Variants in LRRC4C observed in about 807,000 individuals in gnomAD.
The protein encoded by LRRC4C is leucine-rich repeat-containing protein 4C.
Under a neutral mutation model 33.6 loss-of-function variants are expected in LRRC4C, and 5 were observed. The ratio of observed to expected loss-of-function variants is 0.15; its 90% CI spans 0.08 to 0.31. LRRC4C has a LOEUF of 0.31. LRRC4C is among the 10% of genes least tolerant of loss of function. LRRC4C has a pLI of 1.00. For missense variants in LRRC4C, 560 were observed against 796.7 expected (o/e 0.70, Z 3.58); for synonymous variants, 329 against 302.0 (o/e 1.09, Z -0.93).
At chr11:41,120,175 G>A (rs1020344179) in intron 1 of LRRC4C, among the ~76,000 whole-genome samples, 5 of 152,026 alleles carry the variant, frequency 3.3e-5, no homozygotes, top group African/African-American at 1.2e-4. Context: ...AATTCCTCAA[G>A]CAAAGGAGTC....
intron 1 of LRRC4C, among the ~76,000 whole-genome samples, chr11:41,001,995 T>G (rs938822183): frequency 2.0e-5 from 3 of 152,182 alleles, no homozygotes; most frequent in Non-Finnish European, 4.4e-5. Flanking sequence ...TAGATTTATT[T>G]AGGGAGTTTT....
chr11:40,703,516 G>A (rs1373223601), intron 2 of LRRC4C, among the ~76,000 whole-genome samples: 21 of 152,070 alleles, frequency 1.4e-4, no homozygotes. Flanking sequence ...GAGGTTGATG[G>A]CAGCACTGAA....
chr11:41,427,538 T>C (rs542805330), intron 1 of LRRC4C, among the ~76,000 whole-genome samples: 4 of 152,148 alleles, frequency 2.6e-5, no homozygotes, highest in Admixed American at 6.6e-5. Context: ...GAAGAAGAGA[T>C]ATTTAAGCCA....
chr11:41,296,996 G>T (rs189081775), intron 1 of LRRC4C, among the ~76,000 whole-genome samples: 20 of 152,072 alleles, frequency 1.3e-4, no homozygotes, highest in African/African-American at 4.8e-4. Flanking sequence ...TTATTCCATT[G>T]ATTATAATGT....
chr11:40,906,443 G>A (rs965839450), intron 2 of LRRC4C, among the ~76,000 whole-genome samples: 6 of 150,966 alleles, frequency 4.0e-5, no homozygotes, highest in Non-Finnish European at 7.4e-5. Context: ...TTTGGGAGGC[G>A]GAGGTTGCAG....
intron 1 of LRRC4C, among the ~76,000 whole-genome samples, chr11:40,938,404 TAC>T (rs1957999775): frequency 6.6e-6 from 1 of 152,112 alleles, no homozygotes; most frequent in South Asian, 2.1e-4. Context: ...ATGCCTATAC[TAC>T]ACCAAGTAGA....
At chr11:40,592,252 G>A (rs1959093069) in intron 3 of LRRC4C, among the ~76,000 whole-genome samples, 1 of 152,182 alleles carries the variant, frequency 6.6e-6, no homozygotes, top group Non-Finnish European at 1.5e-5. Context: ...AAATGGTGTT[G>A]CAGAGAAGGT....
intron 3 of LRRC4C, among the ~76,000 whole-genome samples, chr11:40,319,954 T>C (rs1004365014): frequency 6.6e-6 from 1 of 152,060 alleles, no homozygotes; most frequent in Non-Finnish European, 1.5e-5. Context: ...ATACAACATA[T>C]AAATATATAC....
intron 5 of LRRC4C, among the ~76,000 whole-genome samples, chr11:40,224,992 G>C (rs565018146): frequency 3.4e-4 from 51 of 152,096 alleles, no homozygotes; most frequent in Non-Finnish European, 6.3e-4. Flanking sequence ...CCCATAATAA[G>C]CTGCTATATA....
At chr11:41,069,969 A>G (rs1312233822) in intron 1 of LRRC4C, among the ~76,000 whole-genome samples, 1 of 152,178 alleles carries the variant, frequency 6.6e-6, no homozygotes, top group Admixed American at 6.5e-5. Context: ...AGACAATCCT[A>G]AACAAAAAGA....
At chr11:40,278,675 C>CTG (rs1399556345) in intron 4 of LRRC4C, among the ~76,000 whole-genome samples, 1 of 152,264 alleles carries the variant, frequency 6.6e-6, no homozygotes, top group Non-Finnish European at 1.5e-5. Flanking sequence ...ACTTCAATAC[C>CTG]TATATACAAT....
chr11:41,121,038 T>C (rs897737313), intron 1 of LRRC4C, among the ~76,000 whole-genome samples: 2 of 152,188 alleles, frequency 1.3e-5, no homozygotes, highest in Non-Finnish European at 2.9e-5. Flanking sequence ...AAGCTTTTTT[T>C]CTTTATAAAT....
intron 2 of LRRC4C, among the ~76,000 whole-genome samples, chr11:40,743,476 G>GA (rs34720460): frequency 6.6e-6 from 1 of 152,052 alleles, no homozygotes; most frequent in Non-Finnish European, 1.5e-5. Context: ...AAACGTAGGG[G>GA]AAAATCTCTT....
chr11:41,063,505 C>A (rs913185095), intron 1 of LRRC4C, among the ~76,000 whole-genome samples: 2 of 152,072 alleles, frequency 1.3e-5, no homozygotes, highest in African/African-American at 2.4e-5. Context: ...ATAGAAGAGT[C>A]AGGATAGCCC....
intron 2 of LRRC4C, among the ~76,000 whole-genome samples, chr11:40,740,544 C>A (rs1948105227): frequency 6.6e-6 from 1 of 151,762 alleles, no homozygotes; most frequent in Admixed American, 6.6e-5. Context: ...TAGATATTAT[C>A]ACCTCATCAA....
chr11:41,222,893 C>A (rs1947370838), intron 1 of LRRC4C: 1 of 147,598 alleles, frequency 6.8e-6, no homozygotes, highest in Admixed American at 6.8e-5. Context: ...ACTTTCAGGG[C>A]ATTCACTCTT....
intron 1 of LRRC4C, among the ~76,000 whole-genome samples, chr11:40,982,876 A>G (rs1195722045): frequency 6.6e-6 from 1 of 151,826 alleles, no homozygotes; most frequent in Non-Finnish European, 1.5e-5. Flanking sequence ...CTATATGTCT[A>G]TGTGTTCTCA....
At chr11:41,293,549 T>C (rs2137023777) in intron 1 of LRRC4C, among the ~76,000 whole-genome samples, 1 of 152,178 alleles carries the variant, frequency 6.6e-6, no homozygotes, top group Non-Finnish European at 1.5e-5. Flanking sequence ...TAATTTAAAA[T>C]ACTTCACTAA....
intron 3 of LRRC4C, among the ~76,000 whole-genome samples, chr11:40,495,195 A>G (rs2138557182): frequency 6.6e-6 from 1 of 152,312 alleles, no homozygotes; most frequent in South Asian, 2.1e-4. Context: ...GTGCTGTTGC[A>G]AGTATTTATA....
Sources: gnomAD v4.1 joint callset for allele counts (sites outside exome capture counted in the v4.1 genomes callset) on GRCh38, gnomAD v4.1.1 for gene constraint, MANE v1.5 for transcripts, NCBI Gene and HGNC (gene_info 2026-07-23, HGNC 2026-07-21) for gene names.